Variants in HHIPL1 observed in about 807,000 individuals in gnomAD.
HHIPL1 encodes HHIP like 1.
In HHIPL1, 43 loss-of-function variants were observed where a neutral mutation model predicts 61.8. The observed-to-expected ratio is 0.70, with a 90% CI of 0.55 to 0.90. The LOEUF is 0.90. Ranked by LOEUF, HHIPL1 falls within the 40% of genes least tolerant of loss-of-function variation. The pLI is 0.00. For synonymous variants in HHIPL1, 482 were observed against 515.8 expected, an observed-to-expected ratio of 0.93 and a Z score of 0.89; for missense variants, 1,056 against 1,157.7, an observed-to-expected ratio of 0.91 and a Z score of 1.28.
chr14:99,644,477 G>A (rs1327966921), upstream of HHIPL1, among the ~76,000 whole-genome samples: 3 of 147,438 alleles, frequency 2.0e-5, no homozygotes, highest in Admixed American at 6.8e-5. Context: ...GGGGTGGGGC[G>A]GGGTTGGGTC....
At chr14:99,643,030 CTTCT>C (rs997201236), upstream of HHIPL1, among the ~76,000 whole-genome samples, 2 of 151,702 alleles carry the variant, frequency 1.3e-5, no homozygotes, top group Non-Finnish European at 2.9e-5. Flanking sequence ...TCTGATGCTC[CTTCT>C]GACTGACTTT....
the HHIPL1 span, among the ~76,000 whole-genome samples, chr14:99,636,629 G>A: frequency 1.3e-5 from 2 of 152,052 alleles, no homozygotes; most frequent in East Asian, 3.9e-4. Context: ...GGAGTGAATT[G>A]CCCTTTAGTG....
At position 99,676,164 on chromosome 14, in the gene HHIPL1, A is replaced by G; in HGVS notation, c.*538A>G. ...AGTCAGAGGCGCTGGAGAGAACCGG[A>G]AGGCATCCAGTGGGGAAGGGAAAGC... On this transcript the variant is annotated 3_prime_UTR_variant, in exon 9 of 9. Coordinates refer to ENST00000330710, the MANE Select transcript of HHIPL1 (RefSeq NM_001127258.3). 1 of 153,934 alleles carries G rather than the reference A, an allele frequency of 6.5e-6. No homozygotes were observed. Among genetic ancestry groups the G allele is most frequent in the South Asian group, 2.0e-4 (1 of 4,940 alleles). The allele number at this position is 153,934 out of a possible 1,614,324, so 9.5% of individuals were successfully genotyped here. A position where few individuals can be genotyped will look rare whatever the true frequency, so the allele number is the denominator to read the frequency against.
intron 1 of HHIPL1, among the ~76,000 whole-genome samples, chr14:99,646,161 T>C (rs2055830654): frequency 6.6e-6 from 1 of 152,268 alleles, no homozygotes; most frequent in South Asian, 2.1e-4. Flanking sequence ...CACCTGGTGG[T>C]GCCACCGCTA....
At chr14:99,628,049 G>C in the HHIPL1 span, among the ~76,000 whole-genome samples, 1 of 152,336 alleles carries the variant, frequency 6.6e-6, no homozygotes, top group Admixed American at 6.5e-5. Context: ...GGAGGGGGCA[G>C]GCCATGAGGG....
In HHIPL1 at chr14:99,668,818, G is replaced by A. The variant is rs112631973; in HGVS notation, c.1730+515G>A. The stretch of plus-strand genomic sequence containing the variant: ...CTCCCTTCGCCGGCTCCATCTCCCC[G>A]GCTTCCCTTCTAGCTGTAAGGCCAG... On this transcript the variant is annotated intron_variant, in intron 7 of 8. Transcript: ENST00000330710. This position sits in a 1 kb window ranked among gnomAD's most constrained non-coding sequence, Gnocchi z 4.7. 1,134 of 1,612,820 alleles carry A rather than the reference G, an allele frequency of 7.0e-4. 8 individuals are homozygous for A. In the African/African-American group the frequency reaches 0.01, roughly 15 times the overall value.
upstream of HHIPL1, among the ~76,000 whole-genome samples, chr14:99,642,095 A>G (rs1459010692): frequency 6.6e-6 from 1 of 151,798 alleles, no homozygotes; most frequent in Admixed American, 6.6e-5. Context: ...GCCCGTCACC[A>G]TGCCTGGCTA....
intron 8 of HHIPL1, among the ~76,000 whole-genome samples, chr14:99,672,982 G>C (rs1267574357): frequency 6.6e-6 from 1 of 152,194 alleles, no homozygotes; most frequent in Non-Finnish European, 1.5e-5. Flanking sequence ...CCCTGCCCTG[G>C]GGATACAGCA....
At chr14:99,626,965 G>A in the HHIPL1 span, among the ~76,000 whole-genome samples, 1 of 152,192 alleles carries the variant, frequency 6.6e-6, no homozygotes, top group Non-Finnish European at 1.5e-5. Flanking sequence ...AATGGCTCAG[G>A]ACAGGGGGAG....
At chr14:99,673,568 G>GC (rs1463612519) in intron 8 of HHIPL1, among the ~76,000 whole-genome samples, 11 of 64,606 alleles carry the variant, frequency 1.7e-4, no homozygotes, top group Non-Finnish European at 1.9e-4. Flanking sequence ...ACTGAGGGGG[G>GC]TGGCAGCTAG....
At chr14:99,611,084 A>T in the HHIPL1 span, among the ~76,000 whole-genome samples, 3 of 152,166 alleles carry the variant, frequency 2.0e-5, no homozygotes, top group Non-Finnish European at 1.5e-5. Context: ...TCTTAGATCC[A>T]TTGCATGCAT....
chr14:99,656,650 C>G (rs577468725), intron 2 of HHIPL1, among the ~76,000 whole-genome samples: 4 of 151,636 alleles, frequency 2.6e-5, no homozygotes, highest in African/African-American at 9.7e-5. Flanking sequence ...GTGGCGGGCA[C>G]CTGTGATCCC....
rs1348420017 is a variant in HHIPL1, at chr14:99,657,134, C to G, written c.1037C>G (p.Ala346Gly). ...GACCCCTTTGGGACATTTGGAAATG[C>G]CCAAAACAAGTATGTTCAGCTTTTG... ...AGDPFGTFGN[A>G]QNKSALLGKV... The change falls in exon 3 of 9, where the codon GCC (alanine) becomes GGC (glycine). Residue 346 changes from alanine (A) to glycine (G), a missense_variant. Physicochemically the swap from Ala to Gly is moderately conservative, Grantham distance 60. Transcript: ENST00000330710. 1.9e-6 allele frequency: 3 copies of G among 1,612,728 alleles called. No individual in the cohort carries two copies. Among genetic ancestry groups the G allele is most frequent in the Non-Finnish European group, 1.7e-6 (2 of 1,179,538 alleles).
At position 99,675,176 on chromosome 14, in the gene HHIPL1, T is replaced by C. The variant is rs1178161508; in HGVS notation, c.1899T>C (p.Ala633=). The C allele has an allele frequency of 8.9e-7, 1 of 1,121,704 alleles. No homozygotes were observed. The allele number at this position is 1,121,704 out of a possible 1,614,324, so 69.5% of individuals were successfully genotyped here. ...RAPRRGRPTA[A]PPAPTPRPAR... The stretch of plus-strand genomic sequence containing the variant: ...CCCGCCGAGGGCGCCCCACGGCCGC[T>C]CCCCCCGCGCCAACCCCGCGGCCAG... The change falls in exon 9 of 9, where the codon GCT becomes GCC. Residue 633 remains alanine (A), a synonymous_variant. Transcript: ENST00000330710. The surrounding 1 kb of genome is among the most constrained non-coding windows in gnomAD (Gnocchi z 5.4).
the HHIPL1 span, among the ~76,000 whole-genome samples, chr14:99,617,850 C>T: frequency 6.6e-6 from 1 of 152,206 alleles, no homozygotes; most frequent in Non-Finnish European, 1.5e-5. Context: ...TTTCCTCCTC[C>T]CATCCTCCCA....
At chr14:99,648,774 G>A (rs552951891) in intron 1 of HHIPL1, among the ~76,000 whole-genome samples, 1 of 152,324 alleles carries the variant, frequency 6.6e-6, no homozygotes, top group South Asian at 2.1e-4. Flanking sequence ...ATAGCAGTTT[G>A]CCAGATGAGG....
chr14:99,637,252 GAAAGAAAGAA>G, the HHIPL1 span, among the ~76,000 whole-genome samples: 3 of 144,830 alleles, frequency 2.1e-5, no homozygotes, highest in Admixed American at 6.8e-5. Flanking sequence ...AAGAAAGAAA[GAAAGAAAGAA>G]AGAAAAAGTG....
the HHIPL1 span, among the ~76,000 whole-genome samples, chr14:99,616,627 T>C: frequency 1.3e-5 from 2 of 152,138 alleles, no homozygotes; most frequent in African/African-American, 4.8e-5. Context: ...GAAGTAGGAA[T>C]TGGGTGGAGA....
chr14:99,641,693 C>A (rs1047414282), upstream of HHIPL1, among the ~76,000 whole-genome samples: 1 of 151,986 alleles, frequency 6.6e-6, no homozygotes, highest in Non-Finnish European at 1.5e-5. Flanking sequence ...GGATTACAGG[C>A]GTGAGCCACC....
Sources: gnomAD v4.1 joint callset for allele counts (sites outside exome capture counted in the v4.1 genomes callset) on GRCh38, gnomAD v4.1.1 for gene constraint, Gnocchi (gnomAD v3.1) non-coding constraint, MANE v1.5 for transcripts, NCBI Gene and HGNC (gene_info 2026-07-23, HGNC 2026-07-21) for gene names.